KNDC1: variants seen among roughly 807,000 people sequenced by gnomAD.
KNDC1 encodes the protein kinase non-catalytic C-lobe domain-containing protein 1.
In KNDC1, 106 loss-of-function variants were observed where a neutral mutation model predicts 172.8. The ratio of observed to expected loss-of-function variants is 0.61; its 90% CI spans 0.52 to 0.72. The LOEUF (loss-of-function observed/expected upper bound fraction) is 0.72, where lower values mean the gene tolerates loss of function less well. Among genes scored for constraint, KNDC1 ranks in the 30% least tolerant of loss-of-function variants. The pLI is 0.00. For missense variants in KNDC1, 2,325 were observed against 2,394.5 expected, an observed-to-expected ratio of 0.97 and a Z score of 0.61; for synonymous variants, 1,083 against 1,062.2, an observed-to-expected ratio of 1.02 and a Z score of -0.38.
intron 26 of KNDC1, among the ~76,000 whole-genome samples, chr10:133,217,887 C>G (rs1845499672): frequency 6.6e-6 from 1 of 150,926 alleles, no homozygotes; most frequent in Admixed American, 6.6e-5. Context: ...CCAGCCTGAC[C>G]AACATGGGGA....
At position 133,199,482 on chromosome 10, in the gene KNDC1, A is replaced by T; in HGVS notation, c.2783A>T (p.Asp928Val). The part of the protein sequence containing the change: ...IMGEYIFALK[D>V]LTFATFCGAI... ...GGGGAGTACATCTTCGCCTTGAAAG[A>T]TCTCACCTTTGCCACTTTCTGTGGC... Residue 928 changes from aspartate (D) to valine (V), a missense_variant, in exon 15 of 30, where the codon GAT (aspartate) becomes GTT (valine). Coordinates refer to ENST00000304613, the MANE Select transcript of KNDC1 (RefSeq NM_152643.8). The T allele has an allele frequency of 6.2e-7, 1 of 1,613,868 alleles. No homozygotes were observed. Among genetic ancestry groups the T allele is most frequent in the South Asian group, 1.1e-5 (1 of 91,080 alleles).
intron 3 of KNDC1, among the ~76,000 whole-genome samples, chr10:133,177,593 A>G (rs1176877794): frequency 1.3e-5 from 2 of 151,302 alleles, no homozygotes; most frequent in Non-Finnish European, 2.9e-5. Flanking sequence ...TGTATCGGGC[A>G]CATGTGCATA....
In KNDC1 at chr10:133,225,609, G is replaced by A. The variant is rs967933940; in HGVS notation, c.*719G>A. Reference sequence around the variant, plus strand: ...CCCTTGGTGAGGTGGTCATGCCCGGGCAAAGGCCCTGCTTCCTGGAAAGGA... The same window carrying A: ...CCCTTGGTGAGGTGGTCATGCCCGGACAAAGGCCCTGCTTCCTGGAAAGGA... On this transcript the variant is annotated 3_prime_UTR_variant, in exon 30 of 30. Transcript: ENST00000304613. The A allele has an allele frequency of 6.5e-6, 1 of 152,706 alleles. No individual in the cohort carries two copies. Among genetic ancestry groups the A allele is most frequent in the Non-Finnish European group, 1.5e-5 (1 of 68,318 alleles). 9.5% of individuals were successfully genotyped at this position (152,706 alleles called of 1,614,324 possible).
intron 9 of KNDC1, among the ~76,000 whole-genome samples, chr10:133,191,014 A>G (rs1165840985): frequency 1.3e-5 from 2 of 152,230 alleles, no homozygotes; most frequent in Admixed American, 6.5e-5. Context: ...CTAAGAAAAA[A>G]TGAAGCTTTT....
At chr10:133,178,394 A>G (rs1046439777) in intron 3 of KNDC1, among the ~76,000 whole-genome samples, 2 of 152,184 alleles carry the variant, frequency 1.3e-5, no homozygotes, top group African/African-American at 2.4e-5. Flanking sequence ...AAAGAGAGTA[A>G]GAACAGCATA....
rs1854043483 is a variant in KNDC1 at position 133,190,331 on chromosome 10, GCAC to G, written c.1575+519_1575+521del. On this transcript the variant is annotated intron_variant, in intron 9 of 29. Coordinates refer to ENST00000304613, the MANE Select transcript of KNDC1 (RefSeq NM_152643.8). The stretch of plus-strand genomic sequence containing the variant: ...TTAAACACCCTGCAGTAAGCACCCT[GCAC>G]TAAACACCCTGCACTAAGCACCCTG... Among the ~76,000 whole-genome samples the G allele has an allele frequency of 7.1e-5, 4 of 56,650 alleles. No homozygotes were observed. The South Asian group carries it at 6.1e-3, about 87-fold the overall frequency. The allele number at this position is 56,650 out of a possible 152,430, so 37.2% of individuals were successfully genotyped here.
At chr10:133,196,683 C>T (rs1854200141) in intron 10 of KNDC1, among the ~76,000 whole-genome samples, 1 of 152,156 alleles carries the variant, frequency 6.6e-6, no homozygotes, top group Non-Finnish European at 1.5e-5. Context: ...GGAAGCTGAG[C>T]TCAGTTCCCA....
chr10:133,178,006 GGT>G (rs1313698556), intron 3 of KNDC1, among the ~76,000 whole-genome samples: 2 of 149,304 alleles, frequency 1.3e-5, no homozygotes, highest in African/African-American at 4.9e-5. Flanking sequence ...GCATGTATGT[GGT>G]GTGTGCATGC....
chr10:133,195,545 G>A, intron 9 of KNDC1, 118 bp from the exon 10 acceptor site: 1 of 956,056 alleles, frequency 1.0e-6, no homozygotes, highest in Non-Finnish European at 1.5e-6. Flanking sequence ...GTCTTGAGGA[G>A]AGCCCCTCTG....
At chr10:133,188,969 G>A (rs1393289319) in intron 7 of KNDC1, among the ~76,000 whole-genome samples, 1 of 152,030 alleles carries the variant, frequency 6.6e-6, no homozygotes, top group Admixed American at 6.5e-5. Context: ...ACCGGTGACT[G>A]TGCCGTAAAG....
At position 133,209,800 on chromosome 10, in the gene KNDC1, TC is replaced by T. The variant is rs1472996256; in HGVS notation, c.3795-809del. On this transcript the variant is annotated intron_variant, in intron 20 of 29. Coordinates refer to ENST00000304613, the MANE Select transcript of KNDC1 (RefSeq NM_152643.8). This position sits in a 1 kb window ranked among gnomAD's most constrained non-coding sequence, Gnocchi z 4.9. ...GTGAGTGGGTGACCAGGCCCCTTGT[TC>T]CAGGGCCACGCCATCTCCTGCCTGA... is the stretch of plus-strand genomic sequence containing the variant. Among the ~76,000 whole-genome samples, 1 of 151,976 alleles carries T rather than the reference TC, an allele frequency of 6.6e-6. No homozygotes were observed. The highest frequency in any genetic ancestry group is 1.5e-5 in the Non-Finnish European group (1 of 67,976).
intron 17 of KNDC1, among the ~76,000 whole-genome samples, chr10:133,205,074 G>C (rs1280482836): frequency 1.1e-5 from 1 of 92,926 alleles, no homozygotes; most frequent in Non-Finnish European, 2.3e-5. Flanking sequence ...ACGGGTGCAG[G>C]AGGAGGCTGT....
At chr10:133,183,729 C>A in intron 4 of KNDC1, 143 bp from the exon 5 acceptor site, 1 of 799,524 alleles carries the variant, frequency 1.3e-6, no homozygotes, top group Non-Finnish European at 2.0e-6. Flanking sequence ...CCTTTTCATA[C>A]TAGAAAATGG....
In KNDC1 at chr10:133,198,616, G is replaced by A; in HGVS notation, c.2108G>A (p.Arg703Lys). 1 of 1,602,380 alleles carries A rather than the reference G, an allele frequency of 6.2e-7. No homozygotes were observed. The highest frequency in any genetic ancestry group is 1.3e-5 in the African/African-American group (1 of 74,938). ...PALAQEESEE[R>K]GGQREGEGEE... ...TTGGCCCAGGAGGAGTCCGAGGAGA[G>A]GGGCGGCCAGAGGGAGGGAGAAGGT... Residue 703 changes from arginine (R) to lysine (K), a missense_variant, in exon 14 of 30, where the codon AGG becomes AAG. Transcript: ENST00000304613.
At chr10:133,211,005 G>A (rs528117277) in intron 21 of KNDC1, among the ~76,000 whole-genome samples, 2 of 152,216 alleles carry the variant, frequency 1.3e-5, no homozygotes, top group South Asian at 2.1e-4. Context: ...GGAGGAAAGC[G>A]GAGGGCAGGT....
At chr10:133,223,338 A>T (rs1243515722) in intron 29 of KNDC1, among the ~76,000 whole-genome samples, 2 of 43,228 alleles carry the variant, frequency 4.6e-5, no homozygotes, top group African/African-American at 8.2e-5. Context: ...TGTGTGTGTG[A>T]GAGCCCATCC....
Position 133,199,096 on chromosome 10 carries a change from T to C in KNDC1, c.2588T>C (p.Val863Ala), listed in dbSNP as rs766383217. The change falls in exon 14 of 30, where the codon GTC becomes GCC. Residue 863 changes from valine (V) to alanine (A), a missense_variant. Val to Ala is a moderately conservative substitution (Grantham distance 64). Transcript: ENST00000304613. Reference protein sequence around the residue: ...GERDDQSPDSVPERPRPADRR... With the variant: ...GERDDQSPDSAPERPRPADRR... ...CGTGATGACCAGAGTCCAGACAGTG[T>C]CCCAGAGAGGCCGCGGCCCGCAGAC... is the stretch of plus-strand genomic sequence containing the variant. 1 of 1,608,720 alleles carries C rather than the reference T, an allele frequency of 6.2e-7. No individual in the cohort carries two copies. Among genetic ancestry groups the C allele is most frequent in the Non-Finnish European group, 8.5e-7 (1 of 1,178,364 alleles).
At chr10:133,202,357 C>G (rs1270794178) in intron 17 of KNDC1, 2 of 453,274 alleles carry the variant, frequency 4.4e-6, no homozygotes. Flanking sequence ...GGCTTTCTGG[C>G]CAGCAGTGCC....
rs76723331 is a variant in KNDC1, at chr10:133,200,615, C to T, written c.2989+155C>T. ...CGGGGGTGCCCAGCCAAAGGCCGCC[C>T]TCTCCTGGGGGTGCCCAGCCAAAGG... On this transcript the variant is annotated intron_variant, in intron 16 of 29. Coordinates refer to ENST00000304613, the MANE Select transcript of KNDC1 (RefSeq NM_152643.8). Among the ~76,000 whole-genome samples, 337 of 148,330 alleles carry T rather than the reference C, an allele frequency of 2.3e-3. 3 individuals carry two copies. The highest frequency in any genetic ancestry group is 6.9e-3 in the African/African-American group (285 of 41,266).
Sources: gnomAD v4.1 joint callset for allele counts (sites outside exome capture counted in the v4.1 genomes callset) on GRCh38, gnomAD v4.1.1 for gene constraint, Gnocchi (gnomAD v3.1) non-coding constraint, MANE v1.5 for transcripts, NCBI Gene and HGNC (gene_info 2026-07-23, HGNC 2026-07-21) for gene names.